Variants in SARDH observed in about 807,000 individuals in gnomAD.
The protein encoded by SARDH is sarcosine dehydrogenase, also known as sarcosine dehydrogenase, mitochondrial.
SARDH carries 95 observed loss-of-function variants against 109.1 expected under a neutral mutation model. That is an observed-to-expected ratio of 0.87 (90% CI 0.74 to 1.03). The LOEUF (loss-of-function observed/expected upper bound fraction) is 1.03. Ranked by LOEUF, SARDH falls within the 50% of genes least tolerant of loss-of-function variation. The probability of loss-of-function intolerance (pLI) is 0.00; values close to 1 mark genes in which losing one functional copy is unlikely to be tolerated. For synonymous variants in SARDH, 572 were observed against 534.8 expected, an observed-to-expected ratio of 1.07 and a Z score of -0.96; for missense variants, 1,267 against 1,287.8, an observed-to-expected ratio of 0.98 and a Z score of 0.25.
In SARDH at chr9:133,732,487, T is replaced by G. The variant is rs1451723826; in HGVS notation, c.446A>C (p.Gln149Pro). Residue 149 changes from glutamine (Q) to proline (P), a missense_variant, in exon 3 of 21, where the codon CAG (glutamine) becomes CCG (proline). Gln to Pro is a moderately conservative substitution (Grantham distance 76, BLOSUM62 -1). Coordinates refer to ENST00000439388, the MANE Select transcript of SARDH (RefSeq NM_001134707.2). ...EETGLHTGWIQNGGLFIASNR... is the reference protein window; with the variant it reads ...EETGLHTGWIPNGGLFIASNR... ...GGACGCGATGAAGAGGCCCCCATTC[T>G]GGATCCAGCCCGTGTGTAGTCCCGT... 2 of 1,609,050 alleles carry G rather than the reference T, an allele frequency of 1.2e-6. No individual in the cohort carries two copies. The highest frequency in any genetic ancestry group is 1.7e-6 in the Non-Finnish European group (2 of 1,176,962).
At position 133,684,755 on chromosome 9, in the gene SARDH, C is replaced by T. The variant is rs574471723; in HGVS notation, c.2163+438G>A. Among the ~76,000 whole-genome samples the T allele has an allele frequency of 3.3e-5, 5 of 152,338 alleles. No homozygotes were observed. The East Asian group carries it at 5.8e-4, about 18-fold the overall frequency. On this transcript the variant is annotated intron_variant, in intron 17 of 20. Transcript: ENST00000439388. Reference sequence around the variant, plus strand: ...CCCACCCCAGCAGCCCCTCCTCCCACGCCCACAATGGCAGCTGGGAGGCTG... The same window carrying T: ...CCCACCCCAGCAGCCCCTCCTCCCATGCCCACAATGGCAGCTGGGAGGCTG...
At chr9:133,689,226 C>G (rs1478092689) in intron 16 of SARDH, among the ~76,000 whole-genome samples, 4 of 151,658 alleles carry the variant, frequency 2.6e-5, no homozygotes, top group Admixed American at 1.3e-4. Flanking sequence ...ATCCTCTCCC[C>G]GAAGCTGCCA....
rs1300104168 is a variant in SARDH at position 133,670,441 on chromosome 9, C to T, written c.2495+143G>A. 44 of 860,634 alleles carry T rather than the reference C, an allele frequency of 5.1e-5. No homozygotes were observed. In the East Asian group the frequency reaches 1.1e-3, roughly 22 times the overall value. The allele number at this position is 860,634 out of a possible 1,614,324, so 53.3% of individuals were successfully genotyped here. On this transcript the variant is annotated intron_variant, in intron 19 of 20. Transcript: ENST00000439388. ...CCTCGATTTCCTTATCTGCAGTGGG[C>T]TGTTGGGTGCGTTCTGGAAGAGCAT...
intron 6 of SARDH, among the ~76,000 whole-genome samples, chr9:133,721,443 C>T (rs1218646231): frequency 6.6e-6 from 1 of 152,214 alleles, no homozygotes; most frequent in East Asian, 1.9e-4. Flanking sequence ...TCTCGTACTC[C>T]TTTGCAGTAA....
downstream of SARDH, among the ~76,000 whole-genome samples, chr9:133,662,513 G>C: frequency 6.6e-6 from 1 of 152,280 alleles, no homozygotes; most frequent in East Asian, 1.9e-4. This position sits in a 1 kb window ranked among gnomAD's most constrained non-coding sequence, Gnocchi z 5.1. Flanking sequence ...AGCCTGAAGC[G>C]TGTGAAAGCC....
chr9:133,671,331 C>A (rs542063706), intron 18 of SARDH, among the ~76,000 whole-genome samples: 10 of 151,964 alleles, frequency 6.6e-5, no homozygotes, highest in African/African-American at 9.7e-5. Flanking sequence ...GGGCCCTGCA[C>A]GAAGACCCTG....
intron 15 of SARDH, among the ~76,000 whole-genome samples, chr9:133,694,033 G>A (rs185414923): frequency 1.3e-5 from 2 of 152,356 alleles, no homozygotes; most frequent in African/African-American, 2.4e-5. Context: ...CAGGTTCAGA[G>A]ATGCAATCAC....
chr9:133,734,453 T>A (rs1307479341), intron 1 of SARDH, among the ~76,000 whole-genome samples: 5 of 147,348 alleles, frequency 3.4e-5, no homozygotes, highest in Non-Finnish European at 5.9e-5. Flanking sequence ...ATTCATTCAT[T>A]CATTCACTCA....
intron 16 of SARDH, among the ~76,000 whole-genome samples, chr9:133,688,344 G>A (rs1168046812): frequency 1.9e-5 from 2 of 105,084 alleles, no homozygotes; most frequent in Non-Finnish European, 4.1e-5. Context: ...ACCCTCCCCC[G>A]ACCCTCTCAG....
At chr9:133,703,430 A>G (rs1057017732) in intron 12 of SARDH, 26 of 229,772 alleles carry the variant, frequency 1.1e-4, no homozygotes, top group African/African-American at 5.5e-4. Context: ...CACTCCTACC[A>G]GGTGTGCCCC....
At chr9:133,667,248 C>A (rs1457432765) in intron 19 of SARDH, 1 of 363,378 alleles carries the variant, frequency 2.8e-6, no homozygotes, top group Non-Finnish European at 4.9e-6. Flanking sequence ...CTCACTACAA[C>A]CTCCGCCTCC....
In SARDH at chr9:133,719,105, G is replaced by A. The variant is rs1832231638; in HGVS notation, c.916-63C>T. 1.0e-5 allele frequency: 14 copies of A among 1,401,396 alleles called. No individual in the cohort carries two copies. In the South Asian group the frequency reaches 1.6e-4, roughly 16 times the overall value. 86.8% of individuals were successfully genotyped at this position (1,401,396 alleles called of 1,614,324 possible). On this transcript the variant is annotated intron_variant, in intron 6 of 20. Coordinates refer to ENST00000439388, the MANE Select transcript of SARDH (RefSeq NM_001134707.2). ...ACTGGGTGGGGACTTGGTTCCCCAT[G>A]CCCCGTGGTGGGCCAGCACCTCCAC...
chr9:133,701,871 G>A (rs1327906466), intron 13 of SARDH, among the ~76,000 whole-genome samples: 1 of 152,242 alleles, frequency 6.6e-6, no homozygotes, highest in Non-Finnish European at 1.5e-5. Flanking sequence ...ACCCAGTGCG[G>A]GACCCAGTGG....
At chr9:133,737,700 A>T (rs1362215871) in intron 1 of SARDH, among the ~76,000 whole-genome samples, 1 of 152,222 alleles carries the variant, frequency 6.6e-6, no homozygotes, top group African/African-American at 2.4e-5. Context: ...CTGCCTGGTC[A>T]GTCAGGGCTC....
downstream of SARDH, among the ~76,000 whole-genome samples, chr9:133,662,196 T>G (rs3025437): frequency 2.9e-4 from 44 of 152,190 alleles, no homozygotes; most frequent in South Asian, 9.1e-3. This position sits in a 1 kb window ranked among gnomAD's most constrained non-coding sequence, Gnocchi z 5.1. Context: ...GCAGCCAGGT[T>G]CTCTCTCCTC....
rs1219180617 is a variant in SARDH, at chr9:133,718,095, A to G, written c.1021-640T>C. The stretch of plus-strand genomic sequence containing the variant: ...TCATTTGTTTGTTTGTTTGTTTGTA[A>G]CAGTCTCACTCTGTCACCCAGGCTG... On this transcript the variant is annotated intron_variant, in intron 7 of 20. Transcript: ENST00000439388. The surrounding 1 kb of genome is among the most constrained non-coding windows in gnomAD (Gnocchi z 4.2). Among the ~76,000 whole-genome samples the G allele has an allele frequency of 6.6e-6, 1 of 151,918 alleles. No homozygotes were observed. Among genetic ancestry groups the G allele is most frequent in the Non-Finnish European group, 1.5e-5 (1 of 68,018 alleles).
intron 19 of SARDH, among the ~76,000 whole-genome samples, chr9:133,668,093 G>C (rs925202253): frequency 2.6e-5 from 4 of 151,952 alleles, no homozygotes; most frequent in Admixed American, 1.3e-4. Context: ...ACTTCATGGA[G>C]GGCCAGAAGG....
chr9:133,675,994 G>A (rs1340497665), intron 17 of SARDH, among the ~76,000 whole-genome samples: 6 of 151,830 alleles, frequency 4.0e-5, no homozygotes, highest in Non-Finnish European at 7.4e-5. Flanking sequence ...TTGGAAGGCT[G>A]AAGGGGGGAG....
chr9:133,673,529 C>T (rs1830420300), intron 17 of SARDH, among the ~76,000 whole-genome samples: 1 of 152,240 alleles, frequency 6.6e-6, no homozygotes, highest in South Asian at 2.1e-4. Flanking sequence ...TCCTTATAAA[C>T]CTGACACTTT....
Sources: allele counts gnomAD v4.1 joint callset (sites outside exome capture counted in the v4.1 genomes callset), GRCh38; gene constraint gnomAD v4.1.1; non-coding constraint Gnocchi (gnomAD v3.1); transcripts MANE v1.5; gene names NCBI Gene and HGNC (gene_info 2026-07-23, HGNC 2026-07-21).